Variants in TSHZ3 observed in about 807,000 individuals in gnomAD.
The protein encoded by TSHZ3 is teashirt homolog 3.
A neutral mutation model predicts 64.5 loss-of-function variants in TSHZ3; 10 were observed. The observed-to-expected ratio is 0.16, with a 90% CI of 0.10 to 0.26. The LOEUF is 0.26. Among genes scored for constraint, TSHZ3 ranks in the 10% least tolerant of loss-of-function variants. The pLI, the probability that TSHZ3 is intolerant of heterozygous loss-of-function variation, is 1.00. For synonymous variants in TSHZ3, 608 were observed against 593.1 expected (o/e 1.03, Z -0.36); for missense variants, 1,242 against 1,421.7 (o/e 0.87, Z 2.03).
At chr19:31,251,922 C>T (rs894246731) in intron 1 of TSHZ3, among the ~76,000 whole-genome samples, 1 of 152,174 alleles carries the variant, frequency 6.6e-6, no homozygotes, top group Non-Finnish European at 1.5e-5. Flanking sequence ...GCAGAGCTCC[C>T]CTCTGCAGTC....
At chr19:31,179,828 A>AGGTGGTGGT (rs61116795) in intron 5 of TSHZ3, among the ~76,000 whole-genome samples, 2 of 147,182 alleles carry the variant, frequency 1.4e-5, no homozygotes, top group African/African-American at 2.5e-5. Flanking sequence ...GTGATGATGG[A>AGGTGGTGGT]GGTGGTGGTG....
intron 1 of TSHZ3, among the ~76,000 whole-genome samples, chr19:31,317,082 C>G (rs976784133): frequency 6.6e-6 from 1 of 152,110 alleles, no homozygotes. Context: ...GAAATTTAGT[C>G]GCAGGAGACT....
At chr19:31,220,840 T>C (rs1053580592) in intron 4 of TSHZ3, among the ~76,000 whole-genome samples, 1 of 152,176 alleles carries the variant, frequency 6.6e-6, no homozygotes, top group African/African-American at 2.4e-5. Context: ...GAACAGATTT[T>C]GGTGAGCACA....
rs146508772 is a variant in TSHZ3, at chr19:31,316,815, C to G, written c.40+32365G>C. Among the ~76,000 whole-genome samples the G allele has an allele frequency of 3.9e-5, 6 of 152,154 alleles. No individual in the cohort carries two copies. In the East Asian group the frequency reaches 1.2e-3, roughly 29 times the overall value. ...ACAGGCAGAGAGAGACAGAAGCCAA[C>G]CCCCGCCCCACCTCAGCTCACTGTA... On this transcript the variant is annotated intron_variant, in intron 1 of 1. Coordinates refer to ENST00000240587, the MANE Select transcript of TSHZ3 (RefSeq NM_020856.4).
intron 1 of TSHZ3, among the ~76,000 whole-genome samples, chr19:31,292,629 A>G (rs1201965208): frequency 6.6e-6 from 1 of 152,090 alleles, no homozygotes; most frequent in Non-Finnish European, 1.5e-5. Context: ...CTACCCATCC[A>G]CCCAGCCAAC....
At chr19:31,326,323 G>A (rs1425774154) in intron 1 of TSHZ3, among the ~76,000 whole-genome samples, 1 of 152,208 alleles carries the variant, frequency 6.6e-6, no homozygotes, top group Non-Finnish European at 1.5e-5. Context: ...TCTTTTAACT[G>A]CATACCCTTT....
intron 4 of TSHZ3, among the ~76,000 whole-genome samples, chr19:31,216,897 C>T (rs1975341237): frequency 6.6e-6 from 1 of 151,920 alleles, no homozygotes; most frequent in African/African-American, 2.4e-5. Context: ...ACCTTGTGAT[C>T]TGCCTGCCTC....
At chr19:31,197,529 T>C (rs895597309) in intron 5 of TSHZ3, among the ~76,000 whole-genome samples, 4 of 150,656 alleles carry the variant, frequency 2.7e-5, no homozygotes, top group Admixed American at 1.3e-4. Flanking sequence ...CAAAAGTATG[T>C]TTTTAGAAAA....
At chr19:31,183,961 C>G (rs547056614) in intron 5 of TSHZ3, among the ~76,000 whole-genome samples, 1 of 152,064 alleles carries the variant, frequency 6.6e-6, no homozygotes, top group Non-Finnish European at 1.5e-5. Context: ...TGTGTCTCCC[C>G]GGCATTCCTT....
intron 1 of TSHZ3, among the ~76,000 whole-genome samples, chr19:31,289,341 CT>C (rs1229265287): frequency 6.6e-6 from 1 of 152,168 alleles, no homozygotes; most frequent in Non-Finnish European, 1.5e-5. Context: ...CCCACTGGGG[CT>C]TGGGTTCTGT....
intron 3 of TSHZ3, among the ~76,000 whole-genome samples, chr19:31,238,558 G>A (rs949484667): frequency 5.3e-5 from 8 of 152,080 alleles, no homozygotes; most frequent in Non-Finnish European, 1.0e-4. Flanking sequence ...GCCCGGCTAT[G>A]AATTTTGATG....
At chr19:31,273,500 C>T (rs1392252768), downstream of TSHZ3, among the ~76,000 whole-genome samples, 5 of 152,162 alleles carry the variant, frequency 3.3e-5, no homozygotes, top group South Asian at 2.1e-4. Context: ...CACCGTCACT[C>T]GTACAAATCC....
chr19:31,169,814 G>A (rs1415391916), intron 5 of TSHZ3, among the ~76,000 whole-genome samples: 4 of 152,142 alleles, frequency 2.6e-5, no homozygotes, highest in Non-Finnish European at 5.9e-5. Context: ...GAATATCTGG[G>A]ATTTGGTTAT....
At chr19:31,190,326 T>A (rs1438477254) in intron 5 of TSHZ3, among the ~76,000 whole-genome samples, 1 of 152,148 alleles carries the variant, frequency 6.6e-6, no homozygotes, top group Non-Finnish European at 1.5e-5. Context: ...CAAGACAGAA[T>A]GTGAACTGAA....
At chr19:31,188,837 A>G (rs1356764492) in intron 5 of TSHZ3, among the ~76,000 whole-genome samples, 1 of 151,800 alleles carries the variant, frequency 6.6e-6, no homozygotes, top group Non-Finnish European at 1.5e-5. Context: ...TTTCTTCTCT[A>G]TTTTCTGAAA....
At chr19:31,258,834 CT>C (rs1315161786) in intron 1 of TSHZ3, among the ~76,000 whole-genome samples, 1 of 152,204 alleles carries the variant, frequency 6.6e-6, no homozygotes, top group African/African-American at 2.4e-5. Context: ...GGCCCTAGGG[CT>C]GGCTTCCCAA....
intron 1 of TSHZ3, among the ~76,000 whole-genome samples, chr19:31,318,651 C>CA (rs912742177): frequency 4.6e-5 from 7 of 151,324 alleles, no homozygotes; most frequent in East Asian, 3.9e-4. Context: ...AATAAAAGAA[C>CA]AAAAAAAACC....
At chr19:31,196,355 T>C (rs1457108077) in intron 5 of TSHZ3, among the ~76,000 whole-genome samples, 1 of 151,956 alleles carries the variant, frequency 6.6e-6, no homozygotes, top group African/African-American at 2.4e-5. Flanking sequence ...AATGAACTTA[T>C]ATAAGTTTTT....
intron 5 of TSHZ3, chr19:31,167,538 T>C (rs901887847): frequency 1.3e-5 from 2 of 152,136 alleles, no homozygotes; most frequent in Non-Finnish European, 2.9e-5. Context: ...GCTGAGGGTT[T>C]TCAACTGCAT....
Sources: allele counts gnomAD v4.1 joint callset (sites outside exome capture counted in the v4.1 genomes callset), GRCh38; gene constraint gnomAD v4.1.1; transcripts MANE v1.5; gene names NCBI Gene and HGNC (gene_info 2026-07-23, HGNC 2026-07-21).